The following MARCHF1 variants were observed in gnomAD, a reference collection of about 807,000 sequenced individuals.
MARCHF1 encodes the protein membrane associated ring-CH-type finger 1, also known as E3 ubiquitin-protein ligase MARCHF1.
MARCHF1 carries 40 observed loss-of-function variants against 54.2 expected under a neutral mutation model. The ratio of observed to expected loss-of-function variants is 0.74; its 90% confidence interval spans 0.57 to 0.96. MARCHF1 has a LOEUF of 0.96. Among genes scored for constraint, MARCHF1 ranks in the 40% least tolerant of loss-of-function variants. The probability of loss-of-function intolerance (pLI) is 0.00; values close to 1 mark genes in which losing one functional copy is unlikely to be tolerated. For synonymous variants in MARCHF1, 236 were observed against 236.3 expected (o/e 1.00, Z 0.01); for missense variants, 586 against 656.5 (o/e 0.89, Z 1.17).
chr4:164,063,596 CATT>C (rs1162460051), intron 2 of MARCHF1, among the ~76,000 whole-genome samples: 2 of 152,162 alleles, frequency 1.3e-5, no homozygotes, highest in Non-Finnish European at 2.9e-5. Context: ...CATCTGCAAA[CATT>C]ATATCATCTA....
chr4:164,228,623 A>G (rs1157834799), intron 1 of MARCHF1, among the ~76,000 whole-genome samples: 1 of 152,174 alleles, frequency 6.6e-6, no homozygotes, highest in Non-Finnish European at 1.5e-5. Context: ...AATCATGAAA[A>G]TAAGAATATA....
At chr4:164,004,086 G>A (rs1055395533) in intron 2 of MARCHF1, among the ~76,000 whole-genome samples, 8 of 151,992 alleles carry the variant, frequency 5.3e-5, no homozygotes, top group African/African-American at 1.9e-4. Context: ...AGTGAACAAT[G>A]AGAAAACATG....
intron 8 of MARCHF1, among the ~76,000 whole-genome samples, chr4:163,566,295 C>T (rs17473283): frequency 0.27 from 41,601 of 152,164 alleles, 6,686 homozygotes; most frequent in Middle Eastern, 0.38. Flanking sequence ...ACTGTTTGTC[C>T]GGGCTGCCCT....
chr4:163,909,220 C>A lies in MARCHF1; in HGVS notation c.-38-55051G>T, dbSNP rs547563445. ...ATAATGTAATTAAATTGTGTTCACACAGTGGTTACCATGGAAAACCACCAG... is the reference window on the plus strand; with the variant it reads ...ATAATGTAATTAAATTGTGTTCACAAAGTGGTTACCATGGAAAACCACCAG... On this transcript the variant is annotated intron_variant, in intron 3 of 9. Coordinates refer to ENST00000514618, the MANE Select transcript of MARCHF1 (RefSeq NM_001394959.1). 2.0e-5 allele frequency among the ~76,000 whole-genome samples: 3 copies of A among 152,230 alleles called. No homozygotes were observed. The East Asian group carries it at 5.8e-4, about 29-fold the overall frequency.
chr4:164,175,997 A>G (rs181904415), intron 1 of MARCHF1, among the ~76,000 whole-genome samples: 76 of 152,320 alleles, frequency 5.0e-4, no homozygotes, highest in African/African-American at 1.7e-3. Context: ...CATCAAGTCA[A>G]TCATCAAAAA....
intron 1 of MARCHF1, among the ~76,000 whole-genome samples, chr4:164,211,355 ACC>A (rs1560955997): frequency 0.11 from 11,161 of 100,828 alleles, 666 homozygotes; most frequent in Non-Finnish European, 0.18. Context: ...ATATATATAT[ACC>A]ACATTGCAAC....
At chr4:164,133,698 C>CA (rs1407743079) in intron 1 of MARCHF1, among the ~76,000 whole-genome samples, 1 of 151,868 alleles carries the variant, frequency 6.6e-6, no homozygotes, top group African/African-American at 2.4e-5. Flanking sequence ...AAACATAGCC[C>CA]AAAAAAAGAA....
intron 1 of MARCHF1, among the ~76,000 whole-genome samples, chr4:164,158,570 G>A (rs1730145314): frequency 6.6e-6 from 1 of 152,148 alleles, no homozygotes; most frequent in Non-Finnish European, 1.5e-5. Context: ...GAACCAGGGA[G>A]GCAGAGGTTG....
intron 1 of MARCHF1, among the ~76,000 whole-genome samples, chr4:164,374,406 C>T (rs963853815): frequency 2.6e-5 from 4 of 152,082 alleles, no homozygotes; most frequent in African/African-American, 9.7e-5. Context: ...CAACTATTAA[C>T]AGTTGAAAAT....
chr4:163,865,719 C>A (rs573354797), intron 3 of MARCHF1, among the ~76,000 whole-genome samples: 2 of 151,668 alleles, frequency 1.3e-5, no homozygotes, highest in East Asian at 1.9e-4. Flanking sequence ...AAAAGCACAA[C>A]AGCTGGGGTG....
intron 4 of MARCHF1, among the ~76,000 whole-genome samples, chr4:163,799,148 GTACTGGC>G (rs1328991142): frequency 4.6e-5 from 7 of 152,108 alleles, no homozygotes; most frequent in Admixed American, 1.3e-4. Context: ...TTTCTTATCT[GTACTGGC>G]TACGTTTCAA....
At chr4:163,988,792 A>G (rs952650914) in intron 2 of MARCHF1, 83 bp from the exon 3 acceptor site, 1 of 152,284 alleles carries the variant, frequency 6.6e-6, no homozygotes, top group African/African-American at 2.4e-5. Context: ...AAACACATTG[A>G]AAGGGGAGTT....
At chr4:164,051,320 C>T (rs1447819360) in intron 2 of MARCHF1, among the ~76,000 whole-genome samples, 1 of 152,120 alleles carries the variant, frequency 6.6e-6, no homozygotes, top group East Asian at 1.9e-4. Flanking sequence ...TTTCTATAGA[C>T]TATTTAGCCA....
At chr4:163,648,387 C>T (rs1369311757) in intron 5 of MARCHF1, among the ~76,000 whole-genome samples, 3 of 151,784 alleles carry the variant, frequency 2.0e-5, no homozygotes, top group East Asian at 1.9e-4. Context: ...ATTAGGAGTT[C>T]TGTGTTCAAT....
At chr4:164,376,028 G>C (rs1295187505) in intron 1 of MARCHF1, among the ~76,000 whole-genome samples, 1 of 152,084 alleles carries the variant, frequency 6.6e-6, no homozygotes, top group Non-Finnish European at 1.5e-5. Context: ...ATGTGCACTG[G>C]CTTGTGTGAT....
chr4:164,147,478 G>T lies in MARCHF1; in HGVS notation c.-322-35816C>A, dbSNP rs1185809803. On this transcript the variant is annotated intron_variant, in intron 1 of 9. Transcript: ENST00000514618. ...GAAAATGTGGCAGATATACACCATG[G>T]AATACTATGCAGCCATAAAAAATGA... Among the ~76,000 whole-genome samples, 19 of 114,884 alleles carry T rather than the reference G, an allele frequency of 1.7e-4. 1 individual carries two copies. The East Asian group carries it at 3.9e-3, about 23-fold the overall frequency. 75.4% of individuals were successfully genotyped at this position (114,884 alleles called of 152,430 possible).
chr4:164,261,843 A>C (rs1466287960), intron 1 of MARCHF1, among the ~76,000 whole-genome samples: 1 of 152,134 alleles, frequency 6.6e-6, no homozygotes, highest in African/African-American at 2.4e-5. Context: ...CTTCCATAAG[A>C]ATGGAAAGAA....
intron 1 of MARCHF1, among the ~76,000 whole-genome samples, chr4:164,181,077 T>C (rs900605395): frequency 1.3e-5 from 2 of 152,198 alleles, no homozygotes; most frequent in Non-Finnish European, 2.9e-5. Flanking sequence ...AAACAAAATC[T>C]TAGTAGGTCT....
intron 5 of MARCHF1, among the ~76,000 whole-genome samples, chr4:163,654,716 T>C (rs1743080795): frequency 6.6e-6 from 1 of 151,686 alleles, no homozygotes; most frequent in Non-Finnish European, 1.5e-5. Flanking sequence ...CTTCTATCTA[T>C]TTACTTTCGA....
Sources: gnomAD v4.1 joint callset for allele counts (sites outside exome capture counted in the v4.1 genomes callset) on GRCh38, gnomAD v4.1.1 for gene constraint, MANE v1.5 for transcripts, NCBI Gene and HGNC (gene_info 2026-07-23, HGNC 2026-07-21) for gene names.